KCNQ3: variants seen among roughly 807,000 people sequenced by gnomAD.
KCNQ3 encodes potassium voltage-gated channel subfamily Q member 3, also known as potassium voltage-gated channel subfamily KQT member 3.
KCNQ3 carries 30 observed loss-of-function variants against 92.5 expected under a neutral mutation model. The ratio of observed to expected loss-of-function variants is 0.32; its 90% confidence interval spans 0.24 to 0.44. KCNQ3 has a LOEUF of 0.44. Among genes scored for constraint, KCNQ3 ranks in the 20% least tolerant of loss-of-function variants. The pLI, the probability that KCNQ3 is intolerant of heterozygous loss-of-function variation, is 1.00. For synonymous variants in KCNQ3, 450 were observed against 468.8 expected, an observed-to-expected ratio of 0.96 and a Z score of 0.52; for missense variants, 913 against 1,140.3, an observed-to-expected ratio of 0.80 and a Z score of 2.87.
intron 1 of KCNQ3, among the ~76,000 whole-genome samples, chr8:132,464,731 T>C (rs1464803662): frequency 1.3e-5 from 2 of 152,200 alleles, no homozygotes; most frequent in Non-Finnish European, 2.9e-5. Context: ...GTTGACAACT[T>C]TTCGTGATCC....
chr8:132,201,617 A>C (rs1210169784), intron 1 of KCNQ3, among the ~76,000 whole-genome samples: 1 of 152,218 alleles, frequency 6.6e-6, no homozygotes, highest in Non-Finnish European at 1.5e-5. Flanking sequence ...TTAAACATTA[A>C]GATAAGACTC....
chr8:132,271,336 G>A (rs1422048403), intron 1 of KCNQ3, among the ~76,000 whole-genome samples: 2 of 152,176 alleles, frequency 1.3e-5, no homozygotes, highest in African/African-American at 4.8e-5. Flanking sequence ...AATGGCCATG[G>A]GCCAAAATGA....
intron 1 of KCNQ3, among the ~76,000 whole-genome samples, chr8:132,312,375 C>T (rs150289616): frequency 7.3e-4 from 111 of 152,272 alleles, no homozygotes; most frequent in African/African-American, 2.5e-3. Context: ...ATCTTTTCAG[C>T]TCCAGGGAAA....
rs1022693561 is a variant in KCNQ3 at position 132,427,634 on chromosome 8, T to C, written c.386+52513A>G. On this transcript the variant is annotated intron_variant, in intron 1 of 14. Coordinates refer to ENST00000388996, the MANE Select transcript of KCNQ3 (RefSeq NM_004519.4). ...TAACAGCCTTTGTTCCAGCAAGGCC[T>C]GGGATCTGGGCAGCAAAACCAAAGA... is the stretch of plus-strand genomic sequence containing the variant. Among the ~76,000 whole-genome samples the C allele has an allele frequency of 4.6e-5, 7 of 152,234 alleles. No homozygotes were observed. The East Asian group carries it at 1.4e-3, about 29-fold the overall frequency.
At chr8:132,386,150 G>T (rs772038817) in intron 1 of KCNQ3, among the ~76,000 whole-genome samples, 33 of 152,226 alleles carry the variant, frequency 2.2e-4, no homozygotes, top group Non-Finnish European at 4.0e-4. Context: ...GATTGGAAAA[G>T]AAATGACATT....
At chr8:132,455,029 T>C (rs77668408) in intron 1 of KCNQ3, among the ~76,000 whole-genome samples, 16,764 of 152,140 alleles carry the variant, frequency 0.11, 978 homozygotes, top group African/African-American at 0.16. Context: ...GGGGAAGTAG[T>C]GAGTTACTGT....
intron 1 of KCNQ3, among the ~76,000 whole-genome samples, chr8:132,373,706 C>T (rs1819535670): frequency 6.6e-6 from 1 of 152,094 alleles, no homozygotes; most frequent in African/African-American, 2.4e-5. Flanking sequence ...CAGGTCTTTG[C>T]TCTTCTCTCC....
Position 132,172,635 on chromosome 8 carries a change from A to T in KCNQ3, c.1103T>A (p.Phe368Tyr), listed in dbSNP as rs774141755. The T allele has an allele frequency of 6.2e-7, 1 of 1,613,852 alleles. No individual in the cohort carries two copies. The highest frequency in any genetic ancestry group is 8.5e-7 in the Non-Finnish European group (1 of 1,180,006). The change falls in exon 7 of 15, where the codon TTT becomes TAT. Residue 368 changes from phenylalanine (F) to tyrosine (Y), a missense_variant. Physicochemically the swap from Phe to Tyr is conservative, Grantham distance 22 (BLOSUM62 3). Coordinates refer to ENST00000388996, the MANE Select transcript of KCNQ3 (RefSeq NM_004519.4). ...KVQEQHRQKH[F>Y]EKRRKPAAEL... ...AGCAGCTGGCTTCCTCCTTTTCTCA[A>T]AGTGCTTCTGACGGTGTTGCTCCTG...
chr8:132,282,080 C>T (rs954978627), intron 1 of KCNQ3, among the ~76,000 whole-genome samples: 20 of 152,166 alleles, frequency 1.3e-4, no homozygotes, highest in African/African-American at 4.6e-4. Flanking sequence ...ATCACATATG[C>T]TCCTAAAGCA....
At position 132,136,976 on chromosome 8, in the gene KCNQ3, C is replaced by T. The variant is rs147654141; in HGVS notation, c.1700+909G>A. On this transcript the variant is annotated intron_variant, in intron 12 of 14. Transcript: ENST00000388996. ...CCCCCCCAGGTTCAAGCGATTCTTC[C>T]GTCTCAGCCTCCCAAGTAGCTGAGA... 4.8e-3 allele frequency among the ~76,000 whole-genome samples: 721 copies of T among 150,654 alleles called. 4 individuals are homozygous for T. Among genetic ancestry groups the T allele is most frequent in the African/African-American group, 0.017 (680 of 40,954 alleles).
Position 132,437,639 on chromosome 8 carries a change from T to C in KCNQ3, c.386+42508A>G, listed in dbSNP as rs192195443. 1.1e-3 allele frequency among the ~76,000 whole-genome samples: 167 copies of C among 152,364 alleles called. 2 individuals carry two copies. The highest frequency in any genetic ancestry group is 3.4e-3 in the Middle Eastern group (1 of 294). ...GATATCACTGTTTCTGATGCCTCTATACACTCTAATTCCTCAACTCAGTTT... is the reference window on the plus strand; with the variant it reads ...GATATCACTGTTTCTGATGCCTCTACACACTCTAATTCCTCAACTCAGTTT... On this transcript the variant is annotated intron_variant, in intron 1 of 14. Transcript: ENST00000388996.
chr8:132,343,630 C>T (rs1256964391), intron 1 of KCNQ3, among the ~76,000 whole-genome samples: 6 of 152,134 alleles, frequency 3.9e-5, no homozygotes, highest in Non-Finnish European at 4.4e-5. Flanking sequence ...AGGGCCACCA[C>T]CAAGGTGCTG....
At chr8:132,474,931 CAT>C (rs1428946645) in intron 1 of KCNQ3, among the ~76,000 whole-genome samples, 13 of 152,278 alleles carry the variant, frequency 8.5e-5, no homozygotes, top group Middle Eastern at 3.4e-3. Flanking sequence ...GTAATCCCCA[CAT>C]GTTTCCAGAG....
chr8:132,418,454 T>C (rs1820879272), intron 1 of KCNQ3, among the ~76,000 whole-genome samples: 1 of 152,206 alleles, frequency 6.6e-6, no homozygotes, highest in Non-Finnish European at 1.5e-5. Flanking sequence ...AAGTCATTTA[T>C]TCCCCACTCG....
rs191276820 is a variant in KCNQ3 at position 132,274,408 on chromosome 8, C to T, written c.387-88227G>A. Among the ~76,000 whole-genome samples, 79 of 152,262 alleles carry T rather than the reference C, an allele frequency of 5.2e-4. 1 individual carries two copies. In the South Asian group the frequency reaches 0.014, roughly 27 times the overall value. The stretch of plus-strand genomic sequence containing the variant: ...ATTACCTCCCACTGGGTCCCTCACA[C>T]GACACGTGGGAATTGTGGGAGTTAC... On this transcript the variant is annotated intron_variant, in intron 1 of 14. Coordinates refer to ENST00000388996, the MANE Select transcript of KCNQ3 (RefSeq NM_004519.4).
chr8:132,364,001 T>TCACAA (rs1819245422), intron 1 of KCNQ3, among the ~76,000 whole-genome samples: 1 of 151,948 alleles, frequency 6.6e-6, no homozygotes, highest in Non-Finnish European at 1.5e-5. Flanking sequence ...TGTGTTCTGT[T>TCACAA]CTTGGCTAGC....
chr8:132,211,771 T>C (rs1007388638), intron 1 of KCNQ3, among the ~76,000 whole-genome samples: 1 of 151,948 alleles, frequency 6.6e-6, no homozygotes, highest in African/African-American at 2.4e-5. Flanking sequence ...ACCAACATAG[T>C]GACACCCCAT....
chr8:132,129,196 T>G lies in KCNQ3; in HGVS notation c.*66A>C, dbSNP rs543780278. 2 of 1,574,494 alleles carry G rather than the reference T, an allele frequency of 1.3e-6. No individual in the cohort carries two copies. The highest frequency in any genetic ancestry group is 1.7e-6 in the Non-Finnish European group (2 of 1,159,472). ...GGTGTCCCCGCTGGTAAGCGTCGGGTGTAAGAGTAAGTGAACTATACAAAG... is the reference window on the plus strand; with the variant it reads ...GGTGTCCCCGCTGGTAAGCGTCGGGGGTAAGAGTAAGTGAACTATACAAAG... On this transcript the variant is annotated 3_prime_UTR_variant, in exon 15 of 15. Transcript: ENST00000388996. The surrounding 1 kb of genome is among the most constrained non-coding windows in gnomAD (Gnocchi z 5.9).
chr8:132,136,118 CAAAAAAAAAA>C (rs67331428), intron 12 of KCNQ3, among the ~76,000 whole-genome samples: 2,345 of 40,080 alleles, frequency 0.059, 45 homozygotes, highest in South Asian at 0.23. Flanking sequence ...GACTCCATCT[CAAAAAAAAAA>C]AAAAAAAAAA....
Sources: gnomAD v4.1 joint callset for allele counts (sites outside exome capture counted in the v4.1 genomes callset) on GRCh38, gnomAD v4.1.1 for gene constraint, Gnocchi (gnomAD v3.1) non-coding constraint, MANE v1.5 for transcripts, NCBI Gene and HGNC (gene_info 2026-07-23, HGNC 2026-07-21) for gene names.